The following PIK3C2G variants were observed in gnomAD, a reference collection of about 807,000 sequenced individuals.
PIK3C2G encodes the protein phosphatidylinositol 3-kinase C2 domain-containing subunit gamma.
Under a neutral mutation model 181.1 loss-of-function variants are expected in PIK3C2G, and 168 were observed. The ratio of observed to expected loss-of-function variants is 0.93; its 90% CI spans 0.82 to 1.05. PIK3C2G has a LOEUF of 1.05. Ranked by LOEUF, PIK3C2G falls within the 50% of genes least tolerant of loss-of-function variation. The pLI is 0.00. For synonymous variants in PIK3C2G, 573 were observed against 592.2 expected (o/e 0.97, Z 0.47); for missense variants, 1,869 against 1,732.8 (o/e 1.08, Z -1.40).
chr12:18,420,396 T>A (rs1428434264), intron 16 of PIK3C2G, among the ~76,000 whole-genome samples: 1 of 152,086 alleles, frequency 6.6e-6, no homozygotes, highest in African/African-American at 2.4e-5. Flanking sequence ...GCAAATGCCA[T>A]CCAAAAATGA....
intron 15 of PIK3C2G, among the ~76,000 whole-genome samples, chr12:18,399,320 GATTC>G (rs1318427615): frequency 6.6e-6 from 1 of 150,914 alleles, no homozygotes; most frequent in East Asian, 1.9e-4. Flanking sequence ...TGTGTCGCAG[GATTC>G]AGAAAAACTT....
At chr12:18,590,384 T>C (rs1417769769) in intron 29 of PIK3C2G, among the ~76,000 whole-genome samples, 4 of 151,926 alleles carry the variant, frequency 2.6e-5, no homozygotes, top group Non-Finnish European at 4.4e-5. Context: ...ATAAAGTTTT[T>C]AGTAAAAGTA....
intron 30 of PIK3C2G, among the ~76,000 whole-genome samples, chr12:18,595,062 A>G (rs1379456571): frequency 6.6e-6 from 1 of 152,122 alleles, no homozygotes; most frequent in Non-Finnish European, 1.5e-5. Context: ...GATTCTCAAT[A>G]CATTTAGATT....
chr12:18,349,856 A>G lies in PIK3C2G; in HGVS notation c.1625+3020A>G, dbSNP rs12313897. ...GTTTTTAAAAACCTCTAGTACCCAA[A>G]ACATGTCCTGGCATGCAACAGGCAC... is the stretch of plus-strand genomic sequence containing the variant. On this transcript the variant is annotated intron_variant, in intron 11 of 32. Coordinates refer to ENST00000538779, the MANE Select transcript of PIK3C2G (RefSeq NM_001288772.2). Among the ~76,000 whole-genome samples, 601 of 152,292 alleles carry G rather than the reference A, an allele frequency of 3.9e-3. 1 individual carries two copies. Among genetic ancestry groups the G allele is most frequent in the African/African-American group, 0.014 (565 of 41,548 alleles).
At chr12:18,420,886 T>G (rs2135701293) in intron 16 of PIK3C2G, 55 bp from the exon 17 acceptor site, 4 of 892,922 alleles carry the variant, frequency 4.5e-6, no homozygotes, top group Middle Eastern at 2.2e-4. Flanking sequence ...CTGACATGTC[T>G]TATGCATTAT....
chr12:18,346,654 G>T lies in PIK3C2G; in HGVS notation c.1443G>T (p.Lys481Asn), dbSNP rs1207213918. ...SETSAKGLIE[K>N]VTTELSTSIY... is the part of the protein sequence containing the mutation. ...CTTCCTTTCTAGGCTTGATAGAGAA[G>T]GTAACAACTGAACTATCCACATCCA... The change falls in exon 11 of 33, where the codon AAG becomes AAT. Residue 481 changes from lysine (K) to asparagine (N), a missense_variant. Lys to Asn is a moderately conservative substitution (Grantham distance 94, BLOSUM62 0). Transcript: ENST00000538779. The T allele has an allele frequency of 6.2e-7, 1 of 1,603,644 alleles. No homozygotes were observed. Among genetic ancestry groups the T allele is most frequent in the South Asian group, 1.1e-5 (1 of 89,946 alleles).
intron 5 of PIK3C2G, among the ~76,000 whole-genome samples, chr12:18,306,974 G>GT (rs1296584985): frequency 6.6e-6 from 1 of 151,074 alleles, no homozygotes; most frequent in Non-Finnish European, 1.5e-5. Context: ...TAAAACAAGC[G>GT]TAAGTATTTA....
chr12:18,289,054 G>C (rs188366765), intron 3 of PIK3C2G, among the ~76,000 whole-genome samples: 2 of 152,260 alleles, frequency 1.3e-5, no homozygotes, highest in Admixed American at 6.5e-5. Context: ...TAATTTGTTT[G>C]TTGGCAAATA....
In PIK3C2G at chr12:18,369,599, C is replaced by T. The variant is rs556947198; in HGVS notation, c.1749-1581C>T. Among the ~76,000 whole-genome samples, 3 of 59,438 alleles carry T rather than the reference C, an allele frequency of 5.0e-5. No individual in the cohort carries two copies. In the East Asian group the frequency reaches 2.0e-3, roughly 40 times the overall value. The allele number at this position is 59,438 out of a possible 152,430, so 39.0% of individuals were successfully genotyped here. A position where few individuals can be genotyped will look rare whatever the true frequency, so the allele number is the denominator to read the frequency against. On this transcript the variant is annotated intron_variant, in intron 12 of 32. Coordinates refer to ENST00000538779, the MANE Select transcript of PIK3C2G (RefSeq NM_001288772.2). ...AATTGACATATGATCATATAACGAT[C>T]GTATAATTGACATATGATCATATAA...
intron 2 of PIK3C2G, among the ~76,000 whole-genome samples, chr12:18,283,423 G>A (rs945456179): frequency 3.9e-5 from 6 of 151,968 alleles, no homozygotes; most frequent in Admixed American, 6.6e-5. Context: ...ATTTATTTCC[G>A]ACTTAAAAAA....
At chr12:18,704,874 A>G in the PIK3C2G span, among the ~76,000 whole-genome samples, 1 of 152,152 alleles carries the variant, frequency 6.6e-6, no homozygotes, top group Admixed American at 6.5e-5. Context: ...CCTGTAAAAC[A>G]TACTAAATTT....
chr12:18,277,155 T>C (rs1392607869), intron 1 of PIK3C2G, among the ~76,000 whole-genome samples: 1 of 152,192 alleles, frequency 6.6e-6, no homozygotes, highest in Non-Finnish European at 1.5e-5. Flanking sequence ...TAAATCTATC[T>C]ATCTATCTAC....
chr12:18,430,097 C>G (rs1946069363), intron 18 of PIK3C2G, among the ~76,000 whole-genome samples: 1 of 152,190 alleles, frequency 6.6e-6, no homozygotes, highest in Admixed American at 6.5e-5. Flanking sequence ...TTCAGTAAAT[C>G]ACAAACAGTG....
intron 14 of PIK3C2G, among the ~76,000 whole-genome samples, chr12:18,383,952 T>C (rs1943002375): frequency 6.6e-6 from 1 of 151,278 alleles, no homozygotes; most frequent in African/African-American, 2.4e-5. Context: ...CACAAGTGCA[T>C]GCCACCTTGC....
At chr12:18,531,717 T>C (rs1943564705) in intron 24 of PIK3C2G, among the ~76,000 whole-genome samples, 1 of 152,240 alleles carries the variant, frequency 6.6e-6, no homozygotes, top group African/African-American at 2.4e-5. Context: ...CAAAATTATG[T>C]TATTTTATTG....
At chr12:18,407,925 G>T (rs966143107) in intron 16 of PIK3C2G, among the ~76,000 whole-genome samples, 3 of 152,118 alleles carry the variant, frequency 2.0e-5, no homozygotes, top group Non-Finnish European at 4.4e-5. Flanking sequence ...ACATTTGAAG[G>T]TCAAACTAGA....
chr12:18,536,487 T>A (rs1592521062), intron 24 of PIK3C2G, among the ~76,000 whole-genome samples: 1 of 152,084 alleles, frequency 6.6e-6, no homozygotes, highest in Admixed American at 6.6e-5. Context: ...AGTTAAGTGG[T>A]GAAGCCATGA....
intron 25 of PIK3C2G, among the ~76,000 whole-genome samples, chr12:18,544,959 C>T (rs942733962): frequency 3.3e-5 from 5 of 151,840 alleles, no homozygotes; most frequent in African/African-American, 1.2e-4. Flanking sequence ...GTCTCCTAAT[C>T]TAGCCTCTAA....
intron 1 of PIK3C2G, among the ~76,000 whole-genome samples, chr12:18,277,609 T>C (rs959857150): frequency 1.3e-5 from 2 of 152,186 alleles, no homozygotes; most frequent in Admixed American, 6.6e-5. Flanking sequence ...ACTCCTCTCA[T>C]CTTCCTCCTG....
Sources: allele counts gnomAD v4.1 joint callset (sites outside exome capture counted in the v4.1 genomes callset), GRCh38; gene constraint gnomAD v4.1.1; transcripts MANE v1.5; gene names NCBI Gene and HGNC (gene_info 2026-07-23, HGNC 2026-07-21).